ACOT7: variants seen among roughly 807,000 people sequenced by gnomAD.
ACOT7 encodes cytosolic acyl coenzyme A thioester hydrolase.
ACOT7 carries 12 observed loss-of-function variants against 40.2 expected under a neutral mutation model. The observed-to-expected ratio is 0.30, with a 90% confidence interval of 0.19 to 0.48. The LOEUF (loss-of-function observed/expected upper bound fraction) is 0.48, where lower values mean the gene tolerates loss of function less well. Among genes scored for constraint, ACOT7 ranks in the 20% least tolerant of loss-of-function variants. The pLI, the probability that ACOT7 is intolerant of heterozygous loss-of-function variation, is 0.99. For missense variants in ACOT7, 395 were observed against 530.8 expected (o/e 0.74, Z 2.51); for synonymous variants, 228 against 219.5 (o/e 1.04, Z -0.34).
chr1:6,295,147 C>A, intron 6 of ACOT7, 167 bp from the exon 7 acceptor site: 5 of 499,126 alleles, frequency 1.0e-5, no homozygotes, highest in Admixed American at 3.6e-5. Flanking sequence ...GGCTCACGCG[C>A]TACATGGGGC....
chr1:6,363,919 C>G (rs1641946373), intron 1 of ACOT7, among the ~76,000 whole-genome samples: 1 of 152,108 alleles, frequency 6.6e-6, no homozygotes, highest in Non-Finnish European at 1.5e-5. Context: ...TTTCTGTGGT[C>G]CCAGCTACTC....
chr1:6,353,553 G>A (rs112468310), intron 1 of ACOT7, among the ~76,000 whole-genome samples: 11,832 of 152,200 alleles, frequency 0.078, 1,088 homozygotes, highest in African/African-American at 0.22. Context: ...AGAATTGCTC[G>A]AACCTGAAAG....
intron 7 of ACOT7, among the ~76,000 whole-genome samples, chr1:6,287,438 C>T (rs747828445): frequency 1.3e-5 from 2 of 152,240 alleles, no homozygotes; most frequent in Admixed American, 6.5e-5. Context: ...ACAGAGATAG[C>T]GACAGTCCCT....
At chr1:6,295,060 C>G in intron 6 of ACOT7, 80 bp from the exon 7 acceptor site, 1 of 1,137,142 alleles carries the variant, frequency 8.8e-7, no homozygotes. Context: ...AGTTACAACT[C>G]GAGCCCTCCC....
intron 3 of ACOT7, among the ~76,000 whole-genome samples, chr1:6,337,870 G>T (rs1017543969): frequency 1.1e-4 from 17 of 152,014 alleles, no homozygotes; most frequent in African/African-American, 4.1e-4. Flanking sequence ...AGCTACTCAG[G>T]AGGCTGAAGC....
chr1:6,336,333 C>CAAAAAAAAAAAAAA (rs3029068), intron 3 of ACOT7, among the ~76,000 whole-genome samples: 2 of 52,772 alleles, frequency 3.8e-5, no homozygotes, highest in South Asian at 7.1e-4. Context: ...GACTCGGTCT[C>CAAAAAAAAAAAAAA]AAAAAAAAAA....
chr1:6,357,404 C>G (rs530000350), intron 1 of ACOT7, among the ~76,000 whole-genome samples: 2 of 152,228 alleles, frequency 1.3e-5, no homozygotes, highest in Non-Finnish European at 2.9e-5. Flanking sequence ...CAGGCCCACA[C>G]GGGGCCTGCA....
At chr1:6,368,484 G>A (rs1642063715) in intron 1 of ACOT7, among the ~76,000 whole-genome samples, 1 of 152,176 alleles carries the variant, frequency 6.6e-6, no homozygotes, top group Non-Finnish European at 1.5e-5. Context: ...ATCACCCCAG[G>A]CCCAGCTCCA....
chr1:6,368,449 C>T (rs755434509), intron 1 of ACOT7, among the ~76,000 whole-genome samples: 7 of 152,206 alleles, frequency 4.6e-5, no homozygotes, highest in Non-Finnish European at 1.0e-4. Flanking sequence ...AGGCCCAGCC[C>T]CCACACTCCA....
chr1:6,285,497 C>T (rs1033098336), intron 7 of ACOT7, among the ~76,000 whole-genome samples: 17 of 152,240 alleles, frequency 1.1e-4, no homozygotes, highest in African/African-American at 3.1e-4. Context: ...AGACTGATTC[C>T]GCCCTTCCTG....
chr1:6,392,745 G>A (rs1010327486), intron 1 of ACOT7, among the ~76,000 whole-genome samples: 5 of 152,054 alleles, frequency 3.3e-5, no homozygotes, highest in African/African-American at 1.2e-4. Flanking sequence ...CCTCCCACAG[G>A]GGCACCCACC....
chr1:6,367,874 G>T lies in ACOT7; in HGVS notation c.144-18008C>A, dbSNP rs112166134. ...TTGCCCTGTGACCAGGAAGAATGAG[G>T]TACGCAGAAAAATGGAGAGTGAGCA... On this transcript the variant is annotated intron_variant, in intron 1 of 8. Transcript: ENST00000361521. Among the ~76,000 whole-genome samples the T allele has an allele frequency of 4.4e-3, 668 of 152,300 alleles. 2 individuals carry two copies. Among genetic ancestry groups the T allele is most frequent in the African/African-American group, 0.015 (636 of 41,558 alleles).
chr1:6,284,702 C>T (rs1355149413), intron 7 of ACOT7, among the ~76,000 whole-genome samples: 1 of 152,148 alleles, frequency 6.6e-6, no homozygotes, highest in African/African-American at 2.4e-5. Context: ...AGAGGCCCCC[C>T]TGCAGCATCG....
Position 6,353,812 on chromosome 1 carries a change from C to T in ACOT7, c.144-3946G>A, listed in dbSNP as rs58965612. ...GTTATTCCTCCCCCAGCCCCCAACA[C>T]GCTAATCCTGCACTTCTTCCCCCTC... On this transcript the variant is annotated intron_variant, in intron 1 of 8. Transcript: ENST00000361521. 6.5e-3 allele frequency among the ~76,000 whole-genome samples: 985 copies of T among 152,212 alleles called. 13 individuals are homozygous for T. Among genetic ancestry groups the T allele is most frequent in the African/African-American group, 0.022 (918 of 41,516 alleles).
intron 2 of ACOT7, among the ~76,000 whole-genome samples, chr1:6,348,484 G>T: frequency 6.6e-6 from 1 of 152,116 alleles, no homozygotes. Flanking sequence ...AACCCCCAAG[G>T]GAATGGTAGT....
chr1:6,361,583 G>C (rs1031523714), intron 1 of ACOT7, among the ~76,000 whole-genome samples: 3 of 152,284 alleles, frequency 2.0e-5, no homozygotes, highest in South Asian at 4.1e-4. Flanking sequence ...CGGATCATCT[G>C]AGGTGAGGAG....
chr1:6,280,878 A>G (rs1429681706), intron 8 of ACOT7, among the ~76,000 whole-genome samples: 4 of 151,906 alleles, frequency 2.6e-5, no homozygotes, highest in East Asian at 3.9e-4. Flanking sequence ...AGTACAGCCC[A>G]AAGGCCTACC....
intron 1 of ACOT7, among the ~76,000 whole-genome samples, chr1:6,378,184 G>C (rs1174669614): frequency 6.9e-6 from 1 of 145,746 alleles, no homozygotes; most frequent in African/African-American, 2.4e-5. Flanking sequence ...CTGGGTGCCC[G>C]AGAGGTAGTG....
chr1:6,319,550 A>C lies in ACOT7; in HGVS notation c.626-972T>G, dbSNP rs182622579. Among the ~76,000 whole-genome samples, 14 of 152,354 alleles carry C rather than the reference A, an allele frequency of 9.2e-5. No homozygotes were observed. In the East Asian group the frequency reaches 2.5e-3, roughly 27 times the overall value. On this transcript the variant is annotated intron_variant, in intron 5 of 8. Transcript: ENST00000361521. ...TATTGTTTTCTCTGTCTGACAAAAG[A>C]AAATGGAATTACCATGAGCTCTTCG...
Sources: allele counts gnomAD v4.1 joint callset (sites outside exome capture counted in the v4.1 genomes callset), GRCh38; gene constraint gnomAD v4.1.1; transcripts MANE v1.5; gene names NCBI Gene and HGNC (gene_info 2026-07-23, HGNC 2026-07-21).